The following LRRC4C variants were observed in gnomAD, a reference collection of about 807,000 sequenced individuals.
The protein encoded by LRRC4C is leucine rich repeat containing 4C.
LRRC4C carries 5 observed loss-of-function variants against 33.6 expected under a neutral mutation model. That is an observed-to-expected ratio of 0.15 (90% CI 0.08 to 0.31). The LOEUF (loss-of-function observed/expected upper bound fraction) is 0.31. LRRC4C is among the 10% of genes least tolerant of loss of function. LRRC4C has a pLI of 1.00. For missense variants in LRRC4C, 560 were observed against 796.7 expected (o/e 0.70, Z 3.58); for synonymous variants, 329 against 302.0 (o/e 1.09, Z -0.93).
chr11:40,430,719 C>G (rs1950888104), intron 3 of LRRC4C, among the ~76,000 whole-genome samples: 1 of 151,886 alleles, frequency 6.6e-6, no homozygotes, highest in Non-Finnish European at 1.5e-5. Flanking sequence ...TACCACAAAT[C>G]AATCTAACTA....
intron 1 of LRRC4C, among the ~76,000 whole-genome samples, chr11:41,154,683 G>A (rs1340461961): frequency 6.6e-6 from 1 of 152,088 alleles, no homozygotes; most frequent in Non-Finnish European, 1.5e-5. Context: ...ATGCATTACA[G>A]AACTAATTGA....
intron 3 of LRRC4C, among the ~76,000 whole-genome samples, chr11:40,383,415 A>G (rs1413851162): frequency 6.6e-6 from 1 of 151,950 alleles, no homozygotes; most frequent in African/African-American, 2.4e-5. Context: ...TCTATTTTTA[A>G]TTTTTTGTGG....
rs1013387696 is a variant in LRRC4C at position 40,139,131 on chromosome 11, G to A, written c.-43+1670C>T. 5.3e-5 allele frequency among the ~76,000 whole-genome samples: 8 copies of A among 152,146 alleles called. No individual in the cohort carries two copies. In the East Asian group the frequency reaches 1.2e-3, roughly 22 times the overall value. ...AGAGGGAGGAAGAAGAGGAGGCGGCGAGAACTGAGGGGAAAAGAGTTTCGG... is the reference window on the plus strand; with the variant it reads ...AGAGGGAGGAAGAAGAGGAGGCGGCAAGAACTGAGGGGAAAAGAGTTTCGG... On this transcript the variant is annotated intron_variant, in intron 6 of 6. Transcript: ENST00000528697.
chr11:41,451,629 T>G (rs892873908), intron 1 of LRRC4C, among the ~76,000 whole-genome samples: 1 of 152,040 alleles, frequency 6.6e-6, no homozygotes, highest in Non-Finnish European at 1.5e-5. Context: ...ATCAACCAGA[T>G]GAACACAGGA....
At chr11:41,009,120 T>C (rs1005282894) in intron 1 of LRRC4C, among the ~76,000 whole-genome samples, 4 of 152,054 alleles carry the variant, frequency 2.6e-5, no homozygotes, top group African/African-American at 9.7e-5. Context: ...CTGATTTAGA[T>C]AGATATTTGG....
chr11:40,260,656 G>A (rs1867635031), intron 4 of LRRC4C, among the ~76,000 whole-genome samples: 1 of 152,080 alleles, frequency 6.6e-6, no homozygotes. Flanking sequence ...GCTAAGAAAG[G>A]ATGAGGACCA....
chr11:40,512,904 A>C (rs1955388771), intron 3 of LRRC4C, among the ~76,000 whole-genome samples: 1 of 152,170 alleles, frequency 6.6e-6, no homozygotes, highest in African/African-American at 2.4e-5. Flanking sequence ...ACTCCTGTGT[A>C]CTAGGGACAC....
At chr11:40,240,957 C>T (rs1290339416) in intron 5 of LRRC4C, among the ~76,000 whole-genome samples, 1 of 152,182 alleles carries the variant, frequency 6.6e-6, no homozygotes, top group Non-Finnish European at 1.5e-5. Context: ...AAGTAAATAT[C>T]TCTACACAAT....
At chr11:40,210,297 T>G (rs1036943850) in intron 5 of LRRC4C, among the ~76,000 whole-genome samples, 1 of 149,048 alleles carries the variant, frequency 6.7e-6, no homozygotes, top group African/African-American at 2.6e-5. Context: ...CTGCTGGATA[T>G]GCAATATAAA....
rs898766795 is a variant in LRRC4C at position 40,948,927 on chromosome 11, C to G, written c.-495-15204G>C. ...CAAATGGTATTTCTAGTTCTAGATC[C>G]CTGAGGAATTGCCACACTGACTTCC... On this transcript the variant is annotated intron_variant, in intron 1 of 6. Transcript: ENST00000528697. Among the ~76,000 whole-genome samples the G allele has an allele frequency of 4.8e-3, 732 of 152,076 alleles. 12 individuals carry two copies. Among genetic ancestry groups the G allele is most frequent in the East Asian group, 0.027 (137 of 5,142 alleles).
chr11:40,931,837 T>A (rs927081577), intron 2 of LRRC4C, among the ~76,000 whole-genome samples: 14 of 152,196 alleles, frequency 9.2e-5, no homozygotes, highest in African/African-American at 2.4e-5. Context: ...TTCCATTTTT[T>A]ACATTTTTAT....
intron 1 of LRRC4C, among the ~76,000 whole-genome samples, chr11:41,408,752 A>AAAAAAAAAAAAAC (rs1954338839): frequency 2.2e-5 from 3 of 138,344 alleles, no homozygotes; most frequent in African/African-American, 1.0e-4. Context: ...TTTTGTAAAA[A>AAAAAAAAAAAAAC]AAAAAAAAAA....
At chr11:40,735,892 C>G (rs1364995172) in intron 2 of LRRC4C, among the ~76,000 whole-genome samples, 1 of 151,366 alleles carries the variant, frequency 6.6e-6, no homozygotes, top group African/African-American at 2.4e-5. Context: ...TTTTGATTTG[C>G]ATTTCTCTGA....
At chr11:40,779,861 C>T (rs12800327) in intron 2 of LRRC4C, among the ~76,000 whole-genome samples, 1 of 152,066 alleles carries the variant, frequency 6.6e-6, no homozygotes. Context: ...TGACCATTGG[C>T]TAACATGGAT....
intron 1 of LRRC4C, among the ~76,000 whole-genome samples, chr11:41,271,803 T>C (rs1949329871): frequency 6.6e-6 from 1 of 152,104 alleles, no homozygotes; most frequent in South Asian, 2.1e-4. Context: ...GTTTGTTTAT[T>C]GAATGAAAGC....
intron 1 of LRRC4C, among the ~76,000 whole-genome samples, chr11:41,343,878 G>A (rs916269311): frequency 6.6e-6 from 1 of 152,090 alleles, no homozygotes; most frequent in Non-Finnish European, 1.5e-5. Flanking sequence ...AGGTACTTAT[G>A]CTTCTCTCTA....
chr11:40,198,803 A>G (rs2135705122), intron 5 of LRRC4C, among the ~76,000 whole-genome samples: 1 of 152,274 alleles, frequency 6.6e-6, no homozygotes, highest in South Asian at 2.1e-4. Context: ...CTTAAAGGGG[A>G]TTTCAGAATC....
intron 2 of LRRC4C, among the ~76,000 whole-genome samples, chr11:40,887,646 G>A (rs1955526223): frequency 1.3e-5 from 2 of 151,994 alleles, no homozygotes; most frequent in Admixed American, 1.3e-4. Context: ...AGGTTCTAGA[G>A]TTTGGTACTA....
intron 2 of LRRC4C, among the ~76,000 whole-genome samples, chr11:40,727,866 T>A (rs1002417668): frequency 6.6e-6 from 1 of 151,856 alleles, no homozygotes; most frequent in Non-Finnish European, 1.5e-5. Context: ...CTGGCCAACA[T>A]GGCAAAACCC....
Sources: gnomAD v4.1 joint callset for allele counts (sites outside exome capture counted in the v4.1 genomes callset) on GRCh38, gnomAD v4.1.1 for gene constraint, MANE v1.5 for transcripts, NCBI Gene and HGNC (gene_info 2026-07-23, HGNC 2026-07-21) for gene names.